COMMD1: variants seen among roughly 807,000 people sequenced by gnomAD.
COMMD1 encodes COMM domain-containing protein 1.
In COMMD1, 10 loss-of-function variants were observed where a neutral mutation model predicts 17.2. That is an observed-to-expected ratio of 0.58 (90% CI 0.36 to 0.99). The LOEUF is 0.99. Ranked by LOEUF, COMMD1 falls within the 50% of genes least tolerant of loss-of-function variation. COMMD1 has a pLI of 0.01. For synonymous variants in COMMD1, 97 were observed against 91.6 expected (o/e 1.06, Z -0.34); for missense variants, 270 against 231.8 (o/e 1.17, Z -1.07).
chr2:62,013,744 C>T (rs1402416654), intron 2 of COMMD1, among the ~76,000 whole-genome samples: 3 of 152,122 alleles, frequency 2.0e-5, no homozygotes, highest in African/African-American at 7.2e-5. Flanking sequence ...CTTGTTTTTT[C>T]TTGTAAGACT....
intron 1 of COMMD1, among the ~76,000 whole-genome samples, chr2:61,929,781 GGGTATGGT>G (rs1278165022): frequency 2.0e-5 from 3 of 152,044 alleles, no homozygotes; most frequent in African/African-American, 7.2e-5. Flanking sequence ...AAAATTAGTT[GGGTATGGT>G]GGTGCATGTC....
intron 2 of COMMD1, among the ~76,000 whole-genome samples, chr2:62,012,731 G>A (rs1431145468): frequency 6.6e-6 from 1 of 152,160 alleles, no homozygotes; most frequent in Non-Finnish European, 1.5e-5. Context: ...GTAGCAAGAA[G>A]TAAATTGGCA....
At chr2:61,982,293 G>T (rs1671975346) in intron 1 of COMMD1, among the ~76,000 whole-genome samples, 1 of 151,952 alleles carries the variant, frequency 6.6e-6, no homozygotes, top group Non-Finnish European at 1.5e-5. Context: ...TTTTCAGATT[G>T]TTCACCCTTG....
At chr2:62,081,106 A>G (rs1366094243) in intron 2 of COMMD1, among the ~76,000 whole-genome samples, 1 of 152,122 alleles carries the variant, frequency 6.6e-6, no homozygotes, top group African/African-American at 2.4e-5. Context: ...TGCAAAAGGT[A>G]TACATGCATT....
chr2:61,890,288 C>T (rs1041122333), intron 1 of COMMD1, among the ~76,000 whole-genome samples: 2 of 152,164 alleles, frequency 1.3e-5, no homozygotes, highest in East Asian at 1.9e-4. Context: ...GGCACCATCT[C>T]GGCTCACCGC....
intron 2 of COMMD1, among the ~76,000 whole-genome samples, chr2:62,036,629 TTTG>T (rs976019488): frequency 9.2e-5 from 14 of 152,326 alleles, no homozygotes; most frequent in African/African-American, 1.9e-4. Context: ...TTTTGTTTTG[TTTG>T]TTGTTGTTGT....
chr2:61,987,765 G>A (rs1672143625), intron 1 of COMMD1, among the ~76,000 whole-genome samples: 1 of 152,286 alleles, frequency 6.6e-6, no homozygotes, highest in South Asian at 2.1e-4. Flanking sequence ...TCAGGGGATT[G>A]AGTTCTCCTG....
intron 1 of COMMD1, among the ~76,000 whole-genome samples, chr2:61,975,414 A>G (rs147324629): frequency 2.2e-4 from 33 of 152,248 alleles, no homozygotes; most frequent in African/African-American, 7.7e-4. Context: ...GCATATGGCA[A>G]GAGTATGTTT....
intron 1 of COMMD1, among the ~76,000 whole-genome samples, chr2:61,959,624 A>C (rs1470835274): frequency 6.6e-6 from 1 of 152,228 alleles, no homozygotes; most frequent in Non-Finnish European, 1.5e-5. Flanking sequence ...CTATTACTGA[A>C]TTGGCTAATT....
intron 2 of COMMD1, among the ~76,000 whole-genome samples, chr2:62,040,181 G>A (rs1021672823): frequency 5.3e-5 from 8 of 152,160 alleles, no homozygotes; most frequent in Non-Finnish European, 1.0e-4. Flanking sequence ...TGAGCCTAGG[G>A]AGTTGAGGCT....
At chr2:62,063,667 A>G (rs1244023297) in intron 2 of COMMD1, among the ~76,000 whole-genome samples, 1 of 151,862 alleles carries the variant, frequency 6.6e-6, no homozygotes, top group Non-Finnish European at 1.5e-5. Flanking sequence ...TGTTTCTATA[A>G]TGTTCTATGC....
At chr2:62,006,072 A>G (rs1035039540) in intron 2 of COMMD1, among the ~76,000 whole-genome samples, 4 of 151,608 alleles carry the variant, frequency 2.6e-5, no homozygotes, top group South Asian at 2.1e-4. Context: ...GGAAATCATC[A>G]TTCTCAGTAA....
chr2:62,036,081 C>G (rs1670032716), intron 2 of COMMD1, among the ~76,000 whole-genome samples: 1 of 151,902 alleles, frequency 6.6e-6, no homozygotes, highest in Admixed American at 6.6e-5. Context: ...CACACACACA[C>G]ACACACACAA....
intron 1 of COMMD1, among the ~76,000 whole-genome samples, chr2:61,927,474 A>G (rs1670356599): frequency 6.8e-6 from 1 of 147,854 alleles, no homozygotes; most frequent in Non-Finnish European, 1.5e-5. Flanking sequence ...CTCACTGCAC[A>G]CTCCACCTCC....
At chr2:62,071,230 CG>C (rs1201525301) in intron 2 of COMMD1, among the ~76,000 whole-genome samples, 1 of 152,116 alleles carries the variant, frequency 6.6e-6, no homozygotes, top group Non-Finnish European at 1.5e-5. Context: ...AATTTCCTGA[CG>C]TTGCCATGGG....
rs1170098037 is a variant in COMMD1 at position 62,090,242 on chromosome 2, A to G, written c.463-45589A>G. 3.3e-5 allele frequency among the ~76,000 whole-genome samples: 5 copies of G among 152,334 alleles called. No individual in the cohort carries two copies. The East Asian group carries it at 9.6e-4, about 29-fold the overall frequency. Reference sequence around the variant, plus strand: ...AAACACCATAAAGATAGCAAAGATTAGGCATCCAAGGTTATAGGTAGAGTC... The same window carrying G: ...AAACACCATAAAGATAGCAAAGATTGGGCATCCAAGGTTATAGGTAGAGTC... On this transcript the variant is annotated intron_variant, in intron 2 of 2. Transcript: ENST00000311832.
rs532150541 is a variant in COMMD1 at position 61,958,207 on chromosome 2, A to G, written c.181-42494A>G. On this transcript the variant is annotated intron_variant, in intron 1 of 2. Transcript: ENST00000311832. ...TCTCTACCCTCTGACAGGCCCCAGCATGCGTTGTTCCTTTCTTTGTGTCCA... is the reference window on the plus strand; with the variant it reads ...TCTCTACCCTCTGACAGGCCCCAGCGTGCGTTGTTCCTTTCTTTGTGTCCA... 4.0e-5 allele frequency among the ~76,000 whole-genome samples: 6 copies of G among 150,968 alleles called. No individual in the cohort carries two copies. In the East Asian group the frequency reaches 9.7e-4, roughly 24 times the overall value.
At position 61,974,569 on chromosome 2, in the gene COMMD1, A is replaced by G. The variant is rs553983036; in HGVS notation, c.181-26132A>G. 5.3e-5 allele frequency among the ~76,000 whole-genome samples: 8 copies of G among 149,574 alleles called. No individual in the cohort carries two copies. The South Asian group carries it at 1.1e-3, about 20-fold the overall frequency. On this transcript the variant is annotated intron_variant, in intron 1 of 2. Transcript: ENST00000311832. ...GCGCCTGTAATCCCAGCTACTCAGG[A>G]GGCTGAGGCAGAGAATTGCTTGAAC...
intron 2 of COMMD1, among the ~76,000 whole-genome samples, chr2:62,077,300 A>G (rs1266094072): frequency 6.6e-6 from 1 of 152,254 alleles, no homozygotes; most frequent in African/African-American, 2.4e-5. Flanking sequence ...TTTGTTAGGT[A>G]TACTTGTTAG....
Sources: gnomAD v4.1 joint callset for allele counts (sites outside exome capture counted in the v4.1 genomes callset) on GRCh38, gnomAD v4.1.1 for gene constraint, MANE v1.5 for transcripts, NCBI Gene and HGNC (gene_info 2026-07-23, HGNC 2026-07-21) for gene names.